CACNA2D3: variants seen among roughly 807,000 people sequenced by gnomAD.
CACNA2D3 encodes the protein calcium voltage-gated channel auxiliary subunit alpha2delta 3.
In CACNA2D3, 60 loss-of-function variants were observed where a neutral mutation model predicts 160.6. That is an observed-to-expected ratio of 0.37 (90% CI 0.30 to 0.46). CACNA2D3 has a LOEUF of 0.46. Among genes scored for constraint, CACNA2D3 ranks in the 20% least tolerant of loss-of-function variants. The probability of loss-of-function intolerance (pLI) is 1.00; values close to 1 mark genes in which losing one functional copy is unlikely to be tolerated. For missense variants in CACNA2D3, 1,205 were observed against 1,365.0 expected, an observed-to-expected ratio of 0.88 and a Z score of 1.85; for synonymous variants, 558 against 492.9, an observed-to-expected ratio of 1.13 and a Z score of -1.75.
chr3:54,264,081 A>G (rs1250860957), intron 2 of CACNA2D3, among the ~76,000 whole-genome samples: 1 of 152,066 alleles, frequency 6.6e-6, no homozygotes, highest in Non-Finnish European at 1.5e-5. Flanking sequence ...TTTTATCCCC[A>G]CTTGCTGCCC....
At chr3:54,867,239 G>C (rs1011007924) in intron 17 of CACNA2D3, among the ~76,000 whole-genome samples, 14 of 152,124 alleles carry the variant, frequency 9.2e-5, no homozygotes, top group Non-Finnish European at 1.3e-4. Context: ...ATGGGAGTTG[G>C]ACATATGAGA....
intron 2 of CACNA2D3, among the ~76,000 whole-genome samples, chr3:54,306,974 G>A (rs1286599481): frequency 6.6e-6 from 1 of 152,012 alleles, no homozygotes; most frequent in African/African-American, 2.4e-5. Flanking sequence ...CATGCCCCCC[G>A]CCCTGCCGAC....
chr3:54,712,356 G>T (rs554965886), intron 11 of CACNA2D3, among the ~76,000 whole-genome samples: 88 of 152,262 alleles, frequency 5.8e-4, no homozygotes, highest in Non-Finnish European at 8.5e-4. Flanking sequence ...ATATGGTTTG[G>T]CTGTGTCCCC....
intron 2 of CACNA2D3, among the ~76,000 whole-genome samples, chr3:54,134,636 C>T (rs1477097575): frequency 6.6e-6 from 1 of 152,224 alleles, no homozygotes; most frequent in African/African-American, 2.4e-5. Flanking sequence ...GGGCTGCCTT[C>T]CAGCTACAAC....
chr3:54,301,903 T>TA (rs1361029504), intron 2 of CACNA2D3, among the ~76,000 whole-genome samples: 6 of 152,204 alleles, frequency 3.9e-5, no homozygotes, highest in Non-Finnish European at 8.8e-5. Context: ...TTGTTTAAGA[T>TA]ACCTTATGTA....
At chr3:54,903,338 A>G (rs1465835919) in intron 27 of CACNA2D3, among the ~76,000 whole-genome samples, 4 of 152,232 alleles carry the variant, frequency 2.6e-5, no homozygotes, top group African/African-American at 9.7e-5. Flanking sequence ...TAGTTTGCTA[A>G]GGATAATGGC....
At chr3:54,873,561 T>G (rs1403265463) in intron 18 of CACNA2D3, among the ~76,000 whole-genome samples, 2 of 152,160 alleles carry the variant, frequency 1.3e-5, no homozygotes, top group African/African-American at 4.8e-5. Context: ...TTGTATCTCC[T>G]CATCCTACTT....
rs1702038794 is a variant in CACNA2D3, at chr3:54,961,960, G to A, written c.2450-6490G>A. Among the ~76,000 whole-genome samples the A allele has an allele frequency of 2.6e-5, 4 of 152,084 alleles. No individual in the cohort carries two copies. In the South Asian group the frequency reaches 8.3e-4, roughly 32 times the overall value. ...GGGGGCTCTGCAGAGTCCCAGGGAG[G>A]CACAGGGCATGGCATCGTGAGGGGA... On this transcript the variant is annotated intron_variant, in intron 27 of 37. Transcript: ENST00000474759.
At chr3:54,401,263 A>G (rs1254824334) in intron 4 of CACNA2D3, among the ~76,000 whole-genome samples, 3 of 152,192 alleles carry the variant, frequency 2.0e-5, no homozygotes, top group Non-Finnish European at 2.9e-5. Context: ...CATCAAGTGA[A>G]CAAAGATTCA....
chr3:54,282,502 A>G (rs563121901), intron 2 of CACNA2D3, among the ~76,000 whole-genome samples: 105 of 152,334 alleles, frequency 6.9e-4, no homozygotes, highest in African/African-American at 2.1e-3. Context: ...TGAGGGGTCA[A>G]TGTACTTGTG....
intron 5 of CACNA2D3, among the ~76,000 whole-genome samples, chr3:54,545,493 T>C (rs1702046871): frequency 6.6e-6 from 1 of 152,258 alleles, no homozygotes; most frequent in African/African-American, 2.4e-5. Context: ...CAGCATGTAA[T>C]CTGCTGGACT....
At chr3:54,712,360 T>C (rs767241010) in intron 11 of CACNA2D3, among the ~76,000 whole-genome samples, 30 of 152,156 alleles carry the variant, frequency 2.0e-4, no homozygotes, top group Non-Finnish European at 1.5e-4. Context: ...GGTTTGGCTG[T>C]GTCCCCACCC....
intron 9 of CACNA2D3, among the ~76,000 whole-genome samples, chr3:54,585,223 C>T (rs982245508): frequency 6.6e-6 from 1 of 151,990 alleles, no homozygotes; most frequent in Admixed American, 6.6e-5. Context: ...ATACTTAAGA[C>T]AATTATATTT....
At chr3:54,452,075 T>A (rs2106819454) in intron 4 of CACNA2D3, among the ~76,000 whole-genome samples, 1 of 152,330 alleles carries the variant, frequency 6.6e-6, no homozygotes, top group African/African-American at 2.4e-5. Flanking sequence ...ATTCTGTTCA[T>A]GAAAATATAT....
chr3:54,228,885 G>A (rs1300300723), intron 2 of CACNA2D3, among the ~76,000 whole-genome samples: 1 of 152,198 alleles, frequency 6.6e-6, no homozygotes, highest in Admixed American at 6.5e-5. Flanking sequence ...TGCATGAGCA[G>A]CTCACATTTG....
chr3:54,757,272 A>G (rs535739577), intron 12 of CACNA2D3, among the ~76,000 whole-genome samples: 4 of 152,300 alleles, frequency 2.6e-5, no homozygotes, highest in Admixed American at 6.5e-5. Context: ...GTCAGGTCCA[A>G]TGGAAATGCC....
intron 17 of CACNA2D3, among the ~76,000 whole-genome samples, chr3:54,848,598 C>T (rs1298130228): frequency 3.3e-5 from 5 of 152,264 alleles, no homozygotes; most frequent in African/African-American, 7.2e-5. Context: ...TGATACCAAC[C>T]GTTAAGCATT....
chr3:54,426,101 A>C (rs560078592), intron 4 of CACNA2D3, among the ~76,000 whole-genome samples: 11 of 152,256 alleles, frequency 7.2e-5, no homozygotes, highest in African/African-American at 2.4e-4. Flanking sequence ...AATTTTTCAG[A>C]TAGACGTCAT....
At chr3:54,883,050 T>G (rs1699839311) in intron 21 of CACNA2D3, among the ~76,000 whole-genome samples, 1 of 152,196 alleles carries the variant, frequency 6.6e-6, no homozygotes, top group South Asian at 2.1e-4. Context: ...TGATGGAGTC[T>G]TGCTCTGTTG....
Sources: allele counts gnomAD v4.1 joint callset (sites outside exome capture counted in the v4.1 genomes callset), GRCh38; gene constraint gnomAD v4.1.1; transcripts MANE v1.5; gene names NCBI Gene and HGNC (gene_info 2026-07-23, HGNC 2026-07-21).